The following PSTPIP1 variants were observed in gnomAD, a reference collection of about 807,000 sequenced individuals.
The protein encoded by PSTPIP1 is proline-serine-threonine phosphatase-interacting protein 1.
A neutral mutation model predicts 69.6 loss-of-function variants in PSTPIP1; 66 were observed. That is an observed-to-expected ratio of 0.95 (90% CI 0.78 to 1.16). The LOEUF is 1.16. PSTPIP1 is among the 50% of genes most tolerant of loss of function. The pLI is 0.00. For synonymous variants in PSTPIP1, 266 were observed against 222.7 expected (o/e 1.19, Z -1.73); for missense variants, 603 against 557.4 (o/e 1.08, Z -0.82).
At chr15:77,019,754 C>A (rs1039808643) in intron 3 of PSTPIP1, among the ~76,000 whole-genome samples, 1 of 152,114 alleles carries the variant, frequency 6.6e-6, no homozygotes, top group Non-Finnish European at 1.5e-5. Context: ...GGCTGAGGGC[C>A]GGGTGCAGGC....
rs186359802 is a variant in PSTPIP1, at chr15:77,029,091, G to T, written c.517-438G>T. ...GTGGTCTAGAGCCCATGCTCCTGAT[G>T]CTGTGGCCCCTAGGCCAGAGTGGGG... On this transcript the variant is annotated intron_variant, in intron 7 of 14. Transcript: ENST00000558012. Among the ~76,000 whole-genome samples, 504 of 152,364 alleles carry T rather than the reference G, an allele frequency of 3.3e-3. 1 individual carries two copies. Among genetic ancestry groups the T allele is most frequent in the Admixed American group, 6.2e-3 (95 of 15,302 alleles).
chr15:77,022,284 G>T (rs769994487), intron 3 of PSTPIP1, among the ~76,000 whole-genome samples: 1 of 152,218 alleles, frequency 6.6e-6, no homozygotes. Flanking sequence ...GAGCCGAGAG[G>T]GCTACTCCTG....
intron 10 of PSTPIP1, 111 bp from the exon 11 acceptor site, chr15:77,032,187 C>T (rs1028179381): frequency 1.7e-5 from 18 of 1,077,620 alleles, no homozygotes; most frequent in African/African-American, 1.4e-4. Context: ...CCCCGAGCCG[C>T]GCACAATGGC....
chr15:77,010,970 G>T (rs538335440), intron 1 of PSTPIP1, among the ~76,000 whole-genome samples: 3 of 152,084 alleles, frequency 2.0e-5, no homozygotes, highest in Non-Finnish European at 4.4e-5. Context: ...TGCATGTTTT[G>T]GTTTCATGAC....
At chr15:77,032,602 A>G in intron 11 of PSTPIP1, 1 of 633,172 alleles carries the variant, frequency 1.6e-6, no homozygotes, top group Middle Eastern at 2.5e-4. Context: ...CACTCAGAGG[A>G]AGAGGTGGGG....
chr15:77,007,794 A>C, intron 1 of PSTPIP1: 1 of 403,158 alleles, frequency 2.5e-6, no homozygotes, highest in Non-Finnish European at 5.0e-6. Context: ...ACGGGGTTTC[A>C]CTGGTTAGCC....
Position 77,029,534 on chromosome 15 carries a change from G to T in PSTPIP1, c.522G>T (p.Gln174His). The change falls in exon 8 of 15, where the codon CAG becomes CAT. Residue 174 changes from glutamine (Q) to histidine (H), a missense_variant. Transcript: ENST00000558012. ...NGHQKQVEKS[Q>H]NKARQCKDSA... ...CTTCCCCTCTGTTTCCTCAGAGTCAGAACAAAGCCAGGCAGTGCAAGGACT... is the reference window on the plus strand; with the variant it reads ...CTTCCCCTCTGTTTCCTCAGAGTCATAACAAAGCCAGGCAGTGCAAGGACT... 6.3e-7 allele frequency: 1 copy of T among 1,581,508 alleles called. No individual in the cohort carries two copies. The highest frequency in any genetic ancestry group is 8.6e-7 in the Non-Finnish European group (1 of 1,164,616).
At chr15:77,006,567 T>C (rs1424862026) in intron 1 of PSTPIP1, among the ~76,000 whole-genome samples, 6 of 152,272 alleles carry the variant, frequency 3.9e-5, no homozygotes. Context: ...TTTTAAAATT[T>C]TGTAGCTTTA....
In PSTPIP1 at chr15:77,035,819, A is replaced by AC. The variant is rs1299873229; in HGVS notation, c.1008dup (p.Thr337HisfsTer6). ...GCTCTTAGCGTCCACAGAGACCCTG[A>AC]CCCCCACCCCCGAGCGGAATGAGGG... On this transcript the variant is annotated frameshift_variant, in exon 14 of 15. Coordinates refer to ENST00000558012, the MANE Select transcript of PSTPIP1 (RefSeq NM_003978.5). LOFTEE classifies it high-confidence loss of function. 1 of 1,607,978 alleles carries AC rather than the reference A, an allele frequency of 6.2e-7. No homozygotes were observed.
At chr15:77,018,277 G>T (rs561612836) in intron 2 of PSTPIP1, 29 bp downstream of exon 2, 5 of 1,557,200 alleles carry the variant, frequency 3.2e-6, no homozygotes, top group Non-Finnish European at 3.5e-6. Context: ...CATGGGGAGC[G>T]CAGGCAGGAA....
chr15:77,000,472 T>C lies in PSTPIP1; in HGVS notation c.36+4863T>C, dbSNP rs944667966. 1.9e-3 allele frequency among the ~76,000 whole-genome samples: 271 copies of C among 144,850 alleles called. 1 individual carries two copies. The highest frequency in any genetic ancestry group is 3.1e-3 in the Non-Finnish European group (209 of 66,672). On this transcript the variant is annotated intron_variant, in intron 1 of 14. Coordinates refer to ENST00000558012, the MANE Select transcript of PSTPIP1 (RefSeq NM_003978.5). Reference sequence around the variant, plus strand: ...GCATTTAAAGAGAGATATATATATATATATACACACACACACACACACACA... The same window carrying C: ...GCATTTAAAGAGAGATATATATATACATATACACACACACACACACACACA...
intron 9 of PSTPIP1, 42 bp downstream of exon 9, chr15:77,030,623 G>C (rs1250760489): frequency 1.2e-5 from 19 of 1,551,718 alleles, no homozygotes; most frequent in Non-Finnish European, 1.7e-5. Context: ...CAGCTGGGAA[G>C]TGTGAGACGC....
At position 77,037,369 on chromosome 15, in the gene PSTPIP1, C is replaced by G; in HGVS notation, c.*193C>G. ...GGGGTCCCGTTCTCTTTTTCTCCTG[C>G]TCCAGTGTCCGAGTGCTCAGTTCAG... On this transcript the variant is annotated 3_prime_UTR_variant, in exon 15 of 15. Transcript: ENST00000558012. 1 of 678,196 alleles carries G rather than the reference C, an allele frequency of 1.5e-6. No individual in the cohort carries two copies. Among genetic ancestry groups the G allele is most frequent in the Admixed American group, 3.2e-5 (1 of 31,566 alleles). The allele number at this position is 678,196 out of a possible 1,614,324, so 42.0% of individuals were successfully genotyped here.
In PSTPIP1 at chr15:77,035,769, A is replaced by AG. The variant is rs397813104; in HGVS notation, c.986-29dup. 3.2e-6 allele frequency: 5 copies of AG among 1,584,592 alleles called. No homozygotes were observed. In the African/African-American group the frequency reaches 6.9e-5, roughly 22 times the overall value. On this transcript the variant is annotated intron_variant, in intron 13 of 14. Transcript: ENST00000558012. ...ACTTCCAGGGGCCAGTGTCCCCAGAAGGGGAGGGGTCTATGTCTCACCCTG... is the reference window on the plus strand; with the variant it reads ...ACTTCCAGGGGCCAGTGTCCCCAGAAGGGGGAGGGGTCTATGTCTCACCCTG...
At chr15:77,007,053 C>T (rs1277110883) in intron 1 of PSTPIP1, among the ~76,000 whole-genome samples, 1 of 152,196 alleles carries the variant, frequency 6.6e-6, no homozygotes, top group Non-Finnish European at 1.5e-5. Context: ...CATACTCTCA[C>T]CCTGGGCATG....
rs2076456038 is a variant in PSTPIP1, at chr15:77,032,883, A to G, written c.860A>G (p.Tyr287Cys). ...GCAGCTCCGGTGCCCTACCAGAACT[A>G]TTACGATCGGGAGGTCACCCCGCTG... ...EPPAPVPYQN[Y>C]YDREVTPLTS... Residue 287 changes from tyrosine (Y) to cysteine (C), a missense_variant, in exon 12 of 15, where the codon TAT becomes TGT. Coordinates refer to ENST00000558012, the MANE Select transcript of PSTPIP1 (RefSeq NM_003978.5). 6.3e-6 allele frequency: 10 copies of G among 1,598,358 alleles called. No homozygotes were observed. Among genetic ancestry groups the G allele is most frequent in the Non-Finnish European group, 8.5e-6 (10 of 1,172,918 alleles).
At chr15:77,013,706 C>G (rs1467671880) in intron 1 of PSTPIP1, among the ~76,000 whole-genome samples, 6 of 152,182 alleles carry the variant, frequency 3.9e-5, no homozygotes, top group African/African-American at 1.4e-4. Context: ...CTCTTCCTGG[C>G]TACCTTCCAC....
intron 3 of PSTPIP1, among the ~76,000 whole-genome samples, chr15:77,020,511 T>C (rs2152680383): frequency 1.3e-5 from 2 of 152,298 alleles, no homozygotes; most frequent in South Asian, 4.1e-4. Context: ...TTCCTTTCGG[T>C]GTAGGCCAAG....
chr15:77,036,785 G>T (rs550750763), intron 14 of PSTPIP1, among the ~76,000 whole-genome samples: 2 of 152,296 alleles, frequency 1.3e-5, no homozygotes, highest in East Asian at 3.9e-4. Context: ...ACATGCTCCA[G>T]TCACTGCGTC....
Sources: gnomAD v4.1 joint callset for allele counts (sites outside exome capture counted in the v4.1 genomes callset) on GRCh38, gnomAD v4.1.1 for gene constraint, MANE v1.5 for transcripts, NCBI Gene and HGNC (gene_info 2026-07-23, HGNC 2026-07-21) for gene names.